The following BAG2 variants were observed in gnomAD, a reference collection of about 807,000 sequenced individuals.
BAG2 encodes BAG cochaperone 2.
BAG2 carries 8 observed loss-of-function variants against 16.4 expected under a neutral mutation model. The ratio of observed to expected loss-of-function variants is 0.49; its 90% confidence interval spans 0.29 to 0.88. The LOEUF is 0.88. Ranked by LOEUF, BAG2 falls within the 40% of genes least tolerant of loss-of-function variation. The pLI is 0.09. For missense variants in BAG2, 218 were observed against 248.9 expected, an observed-to-expected ratio of 0.88 and a Z score of 0.84; for synonymous variants, 82 against 89.2, an observed-to-expected ratio of 0.92 and a Z score of 0.46.
At chr6:57,181,928 T>C (rs1764460797) in intron 1 of BAG2, 104 bp from the exon 2 acceptor site, 1 of 944,438 alleles carries the variant, frequency 1.1e-6, no homozygotes, top group Non-Finnish European at 1.6e-6. Flanking sequence ...TTTTGAAAAG[T>C]TTGGTGATCT....
At chr6:57,178,771 A>G (rs1562640790) in intron 1 of BAG2, among the ~76,000 whole-genome samples, 1 of 119,538 alleles carries the variant, frequency 8.4e-6, no homozygotes. Flanking sequence ...GTATTAAAAA[A>G]AGCCTTGTGG....
At position 57,174,235 on chromosome 6, in the gene BAG2, A is replaced by G; in HGVS notation, c.113+1425A>G. On this transcript the variant is annotated intron_variant, in intron 1 of 2. Transcript: ENST00000370693. Reference sequence around the variant, plus strand: ...CATAACAAGTAACACACATCTCTCCATGTCTTCAGAACGTTGAGGGCATGT... The same window carrying G: ...CATAACAAGTAACACACATCTCTCCGTGTCTTCAGAACGTTGAGGGCATGT... 1.7e-6 allele frequency: 2 copies of G among 1,201,832 alleles called. 1 individual carries two copies. Among genetic ancestry groups the G allele is most frequent in the Middle Eastern group, 4.7e-4 (2 of 4,266 alleles). The allele number at this position is 1,201,832 out of a possible 1,614,324, so 74.4% of individuals were successfully genotyped here. A position where few individuals can be genotyped will look rare whatever the true frequency, so the allele number is the denominator to read the frequency against.
intron 2 of BAG2, 40 bp downstream of exon 2, chr6:57,182,181 T>A (rs1226246091): frequency 6.4e-7 from 1 of 1,558,262 alleles, no homozygotes; most frequent in South Asian, 1.1e-5. Context: ...TCTTTTACAC[T>A]CCTTTAAAGA....
At chr6:57,174,347 C>T (rs1386967315) in intron 1 of BAG2, 2 of 1,304,234 alleles carry the variant, frequency 1.5e-6, no homozygotes, top group Admixed American at 2.3e-5. Context: ...CTCCGCCTTC[C>T]TTCAAGCTGA....
rs1220583248 is a variant in BAG2, at chr6:57,188,169, A to AGAG, written c.*3980_*3982dup. ...GGTTTCATAAAATTAAAGTTATTTA[A>AGAG]GAGAATGAAGGGTCTTGGAAAAAAA... is the stretch of plus-strand genomic sequence containing the variant. On this transcript the variant is annotated 3_prime_UTR_variant, in exon 3 of 3. Coordinates refer to ENST00000370693, the MANE Select transcript of BAG2 (RefSeq NM_004282.4). 1 of 152,200 alleles carries AGAG rather than the reference A, an allele frequency of 6.6e-6. No homozygotes were observed. The highest frequency in any genetic ancestry group is 2.4e-5 in the African/African-American group (1 of 41,458). 9.4% of individuals were successfully genotyped at this position (152,200 alleles called of 1,614,324 possible). A position where few individuals can be genotyped will look rare whatever the true frequency, so the allele number is the denominator to read the frequency against.
At position 57,172,637 on chromosome 6, in the gene BAG2, C is replaced by G; in HGVS notation, c.-61C>G. 1 of 1,370,576 alleles carries G rather than the reference C, an allele frequency of 7.3e-7. No homozygotes were observed. Among genetic ancestry groups the G allele is most frequent in the Non-Finnish European group, 9.7e-7 (1 of 1,033,998 alleles). The allele number at this position is 1,370,576 out of a possible 1,614,324, so 84.9% of individuals were successfully genotyped here. A position where few individuals can be genotyped will look rare whatever the true frequency, so the allele number is the denominator to read the frequency against. On this transcript the variant is annotated 5_prime_UTR_variant, in exon 1 of 3. Transcript: ENST00000370693. ...GGCGACGCCTGCAGCCCAAGGAGCGCTCCACTCGCTGCCGCCGGAGGGGCC... is the reference window on the plus strand; with the variant it reads ...GGCGACGCCTGCAGCCCAAGGAGCGGTCCACTCGCTGCCGCCGGAGGGGCC...
intron 1 of BAG2, chr6:57,173,704 C>A: frequency 4.4e-6 from 1 of 228,254 alleles, no homozygotes. Flanking sequence ...ATTTTGTGAG[C>A]AGGTGTAGTT....
rs1250643476 is a variant in BAG2 at position 57,185,890 on chromosome 6, A to G, written c.*1700A>G. The stretch of plus-strand genomic sequence containing the variant: ...TCAGTCCAGGACTTTTTCTACACAA[A>G]TTATTCTGGCTCTGCCTCCTTGACC... On this transcript the variant is annotated 3_prime_UTR_variant, in exon 3 of 3. Coordinates refer to ENST00000370693, the MANE Select transcript of BAG2 (RefSeq NM_004282.4). The G allele has an allele frequency of 1.3e-5, 2 of 152,138 alleles. No homozygotes were observed. Among genetic ancestry groups the G allele is most frequent in the Admixed American group, 6.5e-5 (1 of 15,280 alleles). The allele number at this position is 152,138 out of a possible 1,614,324, so 9.4% of individuals were successfully genotyped here. A position where few individuals can be genotyped will look rare whatever the true frequency, so the allele number is the denominator to read the frequency against.
chr6:57,187,928 T>C lies in BAG2; in HGVS notation c.*3738T>C, dbSNP rs1453934035. On this transcript the variant is annotated 3_prime_UTR_variant, in exon 3 of 3. Transcript: ENST00000370693. ...AAGGAAATCATTTAACCTGGTTTTA[T>C]TTAACTATATTGCCTTATATGGGTC... 4.6e-5 allele frequency: 7 copies of C among 152,296 alleles called. No individual in the cohort carries two copies. The highest frequency in any genetic ancestry group is 5.9e-5 in the Non-Finnish European group (4 of 68,022). The allele number at this position is 152,296 out of a possible 1,614,324, so 9.4% of individuals were successfully genotyped here.
At chr6:57,177,613 TGTG>T (rs1301195546) in intron 1 of BAG2, among the ~76,000 whole-genome samples, 1 of 151,916 alleles carries the variant, frequency 6.6e-6, no homozygotes, top group Non-Finnish European at 1.5e-5. Context: ...CATATTAACT[TGTG>T]TGTGTGTGTA....
Position 57,186,331 on chromosome 6 carries a change from TTC to T in BAG2, c.*2143_*2144del, listed in dbSNP as rs1764611313. 1 of 152,460 alleles carries T rather than the reference TTC, an allele frequency of 6.6e-6. No homozygotes were observed. The highest frequency in any genetic ancestry group is 2.4e-5 in the African/African-American group (1 of 41,440). 9.4% of individuals were successfully genotyped at this position (152,460 alleles called of 1,614,324 possible). A position where few individuals can be genotyped will look rare whatever the true frequency, so the allele number is the denominator to read the frequency against. On this transcript the variant is annotated 3_prime_UTR_variant, in exon 3 of 3. Coordinates refer to ENST00000370693, the MANE Select transcript of BAG2 (RefSeq NM_004282.4). Reference sequence around the variant, plus strand: ...ACTTCATGAGGTTTCATTTTTTCTTTTCTGAGATGGAGTCTTGCTCTGTTGCC... The same window carrying T: ...ACTTCATGAGGTTTCATTTTTTCTTTTGAGATGGAGTCTTGCTCTGTTGCC...
intron 2 of BAG2, 100 bp from the exon 3 acceptor site, chr6:57,183,678 A>C (rs1764538329): frequency 2.7e-6 from 3 of 1,099,250 alleles, no homozygotes; most frequent in Non-Finnish European, 3.8e-6. Context: ...ATCTCTAAAA[A>C]AATTTCATGG....
intron 1 of BAG2, among the ~76,000 whole-genome samples, chr6:57,177,423 A>C (rs1163723700): frequency 6.6e-6 from 1 of 152,168 alleles, no homozygotes; most frequent in Non-Finnish European, 1.5e-5. Flanking sequence ...CTCAAAAAAA[A>C]CAAACCTGTT....
At position 57,188,201 on chromosome 6, in the gene BAG2, AT is replaced by A. The variant is rs1417396247; in HGVS notation, c.*4016del. 6.6e-6 allele frequency: 1 copy of A among 152,170 alleles called. No individual in the cohort carries two copies. Among genetic ancestry groups the A allele is most frequent in the Non-Finnish European group, 1.5e-5 (1 of 67,998 alleles). 9.4% of individuals were successfully genotyped at this position (152,170 alleles called of 1,614,324 possible). A position where few individuals can be genotyped will look rare whatever the true frequency, so the allele number is the denominator to read the frequency against. On this transcript the variant is annotated 3_prime_UTR_variant, in exon 3 of 3. Transcript: ENST00000370693. ...GAAGGGTCTTGGAAAAAAAATGTCAATTTTTGAAGGCTTTAAGAATTGATTA... is the reference window on the plus strand; with the variant it reads ...GAAGGGTCTTGGAAAAAAAATGTCAATTTTGAAGGCTTTAAGAATTGATTA...
chr6:57,187,386 G>C lies in BAG2; in HGVS notation c.*3196G>C, dbSNP rs559820749. 4 of 152,246 alleles carry C rather than the reference G, an allele frequency of 2.6e-5. No individual in the cohort carries two copies. The South Asian group carries it at 8.3e-4, about 32-fold the overall frequency. The allele number at this position is 152,246 out of a possible 1,614,324, so 9.4% of individuals were successfully genotyped here. A position where few individuals can be genotyped will look rare whatever the true frequency, so the allele number is the denominator to read the frequency against. ...AAATGAATTCATCTGTATGATGAGA[G>C]ACTTACATGTTTTATAGCTGAAAAC... On this transcript the variant is annotated 3_prime_UTR_variant, in exon 3 of 3. Coordinates refer to ENST00000370693, the MANE Select transcript of BAG2 (RefSeq NM_004282.4).
Position 57,182,148 on chromosome 6 carries a change from G to A in BAG2, c.223+7G>A, listed in dbSNP as rs758364398. ...ATGAGGCAGATCAGTGACGGTGAGAGCCATCTCCACAGAAGGGGCTCATCT... is the reference window on the plus strand; with the variant it reads ...ATGAGGCAGATCAGTGACGGTGAGAACCATCTCCACAGAAGGGGCTCATCT... On this transcript the variant is annotated splice_region_variant and intron_variant, in intron 2 of 2. Transcript: ENST00000370693. 3.7e-6 allele frequency: 6 copies of A among 1,611,318 alleles called. No individual in the cohort carries two copies. In the East Asian group the frequency reaches 1.1e-4, roughly 30 times the overall value.
chr6:57,184,204 G>C lies in BAG2; in HGVS notation c.*14G>C. 1.3e-6 allele frequency: 2 copies of C among 1,524,758 alleles called. No individual in the cohort carries two copies. The highest frequency in any genetic ancestry group is 1.7e-6 in the Non-Finnish European group (2 of 1,145,140). The allele number at this position is 1,524,758 out of a possible 1,614,324, so 94.5% of individuals were successfully genotyped here. A position where few individuals can be genotyped will look rare whatever the true frequency, so the allele number is the denominator to read the frequency against. ...AGATTCAATTAGTCTTCAAACCTAAGAGCATTTACACAATACACAAGGTGT... is the reference window on the plus strand; with the variant it reads ...AGATTCAATTAGTCTTCAAACCTAACAGCATTTACACAATACACAAGGTGT... On this transcript the variant is annotated 3_prime_UTR_variant, in exon 3 of 3. Coordinates refer to ENST00000370693, the MANE Select transcript of BAG2 (RefSeq NM_004282.4).
At chr6:57,181,826 C>T (rs528537820) in intron 1 of BAG2, among the ~76,000 whole-genome samples, 7 of 151,922 alleles carry the variant, frequency 4.6e-5, no homozygotes, top group Admixed American at 6.5e-5. Flanking sequence ...TAGATAAACA[C>T]GAAAGAATGA....
In BAG2 at chr6:57,172,544, G is replaced by C; in HGVS notation, c.-154G>C. 1 of 543,882 alleles carries C rather than the reference G, an allele frequency of 1.8e-6. No homozygotes were observed. The highest frequency in any genetic ancestry group is 3.0e-6 in the Non-Finnish European group (1 of 328,642). 33.7% of individuals were successfully genotyped at this position (543,882 alleles called of 1,614,324 possible). On this transcript the variant is annotated 5_prime_UTR_variant, in exon 1 of 3. Transcript: ENST00000370693. ...CCTTCTTTGGCTACGCTGCAGCCGC[G>C]GTGTCGGCGAGTCCTCCCGGGTTGC...
Sources: allele counts gnomAD v4.1 joint callset (sites outside exome capture counted in the v4.1 genomes callset), GRCh38; gene constraint gnomAD v4.1.1; transcripts MANE v1.5; gene names NCBI Gene and HGNC (gene_info 2026-07-23, HGNC 2026-07-21).